Variants in ADGRL4 observed in about 807,000 individuals in gnomAD.
ADGRL4 encodes adhesion G protein-coupled receptor L4, also known as EGF, latrophilin and seven transmembrane domain containing 1.
ADGRL4 carries 90 observed loss-of-function variants against 74.8 expected under a neutral mutation model. The ratio of observed to expected loss-of-function variants is 1.20; its 90% confidence interval spans 1.02 to 1.43. The LOEUF (loss-of-function observed/expected upper bound fraction) is 1.43. ADGRL4 is among the 40% of genes most tolerant of loss of function. The pLI, the probability that ADGRL4 is intolerant of heterozygous loss-of-function variation, is 0.00. For missense variants in ADGRL4, 881 were observed against 814.3 expected, an observed-to-expected ratio of 1.08 and a Z score of -1.00; for synonymous variants, 311 against 279.2, an observed-to-expected ratio of 1.11 and a Z score of -1.14.
chr1:78,999,211 G>T (rs2100741248), intron 2 of ADGRL4, among the ~76,000 whole-genome samples: 1 of 152,186 alleles, frequency 6.6e-6, no homozygotes, highest in East Asian at 1.9e-4. Context: ...CATCAATTTT[G>T]CAAAATAAGG....
chr1:78,986,133 C>T (rs984675410), intron 2 of ADGRL4, among the ~76,000 whole-genome samples: 4 of 151,586 alleles, frequency 2.6e-5, no homozygotes, highest in African/African-American at 4.8e-5. Flanking sequence ...ACACAATTTA[C>T]GTATATAACA....
intron 2 of ADGRL4, among the ~76,000 whole-genome samples, chr1:78,949,295 G>A (rs559857904): frequency 6.6e-6 from 1 of 152,054 alleles, no homozygotes; most frequent in South Asian, 2.1e-4. Context: ...ACTAGTCTTG[G>A]GTAATACATT....
At chr1:79,001,004 T>C (rs1193596352) in intron 2 of ADGRL4, among the ~76,000 whole-genome samples, 1 of 152,048 alleles carries the variant, frequency 6.6e-6, no homozygotes, top group East Asian at 1.9e-4. Flanking sequence ...ATACATATAA[T>C]ATTCGTGAGA....
chr1:78,979,061 T>A (rs1650349620), intron 2 of ADGRL4, among the ~76,000 whole-genome samples: 1 of 151,866 alleles, frequency 6.6e-6, no homozygotes, highest in Non-Finnish European at 1.5e-5. Context: ...TATCACAGCG[T>A]TTTCTAGATC....
intron 2 of ADGRL4, among the ~76,000 whole-genome samples, chr1:78,983,328 T>C (rs1340258139): frequency 1.3e-5 from 2 of 151,566 alleles, no homozygotes; most frequent in Admixed American, 1.3e-4. Flanking sequence ...GGATATAGAA[T>C]ACAAGGTAGC....
intron 2 of ADGRL4, among the ~76,000 whole-genome samples, chr1:78,992,091 C>T (rs1247994058): frequency 1.3e-5 from 2 of 152,002 alleles, no homozygotes; most frequent in Non-Finnish European, 2.9e-5. Flanking sequence ...ACAAATGGCA[C>T]AAGACTTTGT....
intron 12 of ADGRL4, among the ~76,000 whole-genome samples, chr1:78,899,742 T>A (rs2100653852): frequency 6.6e-6 from 1 of 152,124 alleles, no homozygotes; most frequent in East Asian, 1.9e-4. Flanking sequence ...GTAGAACAGG[T>A]TTTGTCTTCT....
intron 2 of ADGRL4, among the ~76,000 whole-genome samples, chr1:78,998,850 T>C (rs940891819): frequency 1.3e-5 from 2 of 152,184 alleles, no homozygotes; most frequent in African/African-American, 4.8e-5. Flanking sequence ...GGTATATACT[T>C]TCTCTGGCAA....
chr1:78,901,955 T>C (rs1648529703), intron 12 of ADGRL4, among the ~76,000 whole-genome samples: 1 of 152,044 alleles, frequency 6.6e-6, no homozygotes, highest in Non-Finnish European at 1.5e-5. Context: ...TACAATTATG[T>C]GAAAAAAATT....
chr1:78,921,916 A>G, intron 8 of ADGRL4, 130 bp from the exon 9 acceptor site: 1 of 459,666 alleles, frequency 2.2e-6, no homozygotes, highest in Non-Finnish European at 3.7e-6. Context: ...ACAAATTATA[A>G]CAAAGGCTGC....
rs184489049 is a variant in ADGRL4, at chr1:78,990,072, A to G, written c.172+14998T>C. Among the ~76,000 whole-genome samples the G allele has an allele frequency of 5.5e-4, 83 of 151,974 alleles. 1 individual carries two copies. Among genetic ancestry groups the G allele is most frequent in the African/African-American group, 1.9e-3 (80 of 41,534 alleles). ...TCTTGATTGAAATCATCAATATTTCATTTCTGAATCAAAAAAGCTGAGGAT... is the reference window on the plus strand; with the variant it reads ...TCTTGATTGAAATCATCAATATTTCGTTTCTGAATCAAAAAAGCTGAGGAT... On this transcript the variant is annotated intron_variant, in intron 2 of 14. Transcript: ENST00000370742.
At chr1:78,974,087 A>T (rs1650231066) in intron 2 of ADGRL4, among the ~76,000 whole-genome samples, 1 of 151,748 alleles carries the variant, frequency 6.6e-6, no homozygotes, top group South Asian at 2.1e-4. Flanking sequence ...ACAGCAATCC[A>T]CTCTGTCATG....
At chr1:78,900,700 A>G (rs1040958551) in intron 12 of ADGRL4, among the ~76,000 whole-genome samples, 2 of 152,066 alleles carry the variant, frequency 1.3e-5, no homozygotes, top group African/African-American at 4.8e-5. Flanking sequence ...CACTATGTGA[A>G]GACGTACTTG....
intron 6 of ADGRL4, 94 bp from the exon 7 acceptor site, chr1:78,936,505 A>G (rs2100686691): frequency 1.8e-6 from 2 of 1,125,568 alleles, no homozygotes; most frequent in East Asian, 5.7e-5. Flanking sequence ...ATCCATCATT[A>G]TTGTGTTTTA....
chr1:78,909,439 T>G (rs1461403513), intron 12 of ADGRL4, among the ~76,000 whole-genome samples: 1 of 151,842 alleles, frequency 6.6e-6, no homozygotes, highest in Non-Finnish European at 1.5e-5. Flanking sequence ...GTTGTCATAT[T>G]TAAGTGGCAG....
intron 2 of ADGRL4, among the ~76,000 whole-genome samples, chr1:78,965,124 A>C (rs965592104): frequency 1.3e-5 from 2 of 152,272 alleles, no homozygotes; most frequent in South Asian, 4.1e-4. Context: ...GCTTATAATT[A>C]TCTAGTCCAG....
chr1:78,931,275 T>C (rs1649236715), intron 7 of ADGRL4, among the ~76,000 whole-genome samples: 2 of 151,468 alleles, frequency 1.3e-5, no homozygotes, highest in South Asian at 4.1e-4. Context: ...GGGGCCAATA[T>C]TCAACATTCT....
chr1:78,938,066 T>G (rs985277), intron 5 of ADGRL4, 34 bp downstream of exon 5: 967,150 of 1,603,800 alleles, frequency 0.6, 293,009 homozygotes, highest in East Asian at 0.71. Flanking sequence ...AATTCAAAGC[T>G]CAATTATATT....
At chr1:78,927,987 G>A (rs1056614587) in intron 7 of ADGRL4, among the ~76,000 whole-genome samples, 41 of 147,332 alleles carry the variant, frequency 2.8e-4, no homozygotes, top group Middle Eastern at 3.4e-3. Flanking sequence ...TGTTGGGCTA[G>A]TGAAATTATG....
Sources: gnomAD v4.1 joint callset for allele counts (sites outside exome capture counted in the v4.1 genomes callset) on GRCh38, gnomAD v4.1.1 for gene constraint, MANE v1.5 for transcripts, NCBI Gene and HGNC (gene_info 2026-07-23, HGNC 2026-07-21) for gene names.